KANK1: variants seen among roughly 807,000 people sequenced by gnomAD.
KANK1 encodes the protein KN motif and ankyrin repeat domains 1.
KANK1 carries 109 observed loss-of-function variants against 106.2 expected under a neutral mutation model. The ratio of observed to expected loss-of-function variants is 1.03; its 90% confidence interval spans 0.88 to 1.20. The LOEUF is 1.20. Ranked by LOEUF, KANK1 falls within the 50% of genes most tolerant of loss-of-function variation. The pLI, the probability that KANK1 is intolerant of heterozygous loss-of-function variation, is 0.00. For synonymous variants in KANK1, 873 were observed against 652.2 expected, an observed-to-expected ratio of 1.34 and a Z score of -5.16; for missense variants, 2,399 against 1,710.7, an observed-to-expected ratio of 1.40 and a Z score of -7.10.
intron 1 of KANK1, among the ~76,000 whole-genome samples, chr9:598,961 A>G (rs1827017680): frequency 1.3e-5 from 2 of 149,714 alleles, no homozygotes; most frequent in East Asian, 2.0e-4. Flanking sequence ...TTTATATGCA[A>G]TTATAAATAT....
At chr9:543,402 A>C (rs9408627) in intron 1 of KANK1, among the ~76,000 whole-genome samples, 7,076 of 150,400 alleles carry the variant, frequency 0.047, 223 homozygotes, top group South Asian at 0.085. Flanking sequence ...TTAAAACTAC[A>C]AAAAAAAATA....
intron 1 of KANK1, among the ~76,000 whole-genome samples, chr9:665,878 T>C (rs1201968050): frequency 1.3e-5 from 2 of 152,164 alleles, no homozygotes; most frequent in Non-Finnish European, 2.9e-5. Context: ...TTCACAGCTT[T>C]GGTTAAATTG....
At chr9:599,438 T>C (rs1216911266) in intron 1 of KANK1, among the ~76,000 whole-genome samples, 1 of 151,914 alleles carries the variant, frequency 6.6e-6, no homozygotes, top group Non-Finnish European at 1.5e-5. Context: ...TTGATATACA[T>C]CCTTCTACAT....
chr9:650,441 CTCT>C (rs1840631491), intron 1 of KANK1, among the ~76,000 whole-genome samples: 1 of 152,134 alleles, frequency 6.6e-6, no homozygotes, highest in Non-Finnish European at 1.5e-5. Flanking sequence ...TAATGTGAGA[CTCT>C]TGTTATGTAG....
At chr9:625,529 T>A (rs953811239) in intron 1 of KANK1, among the ~76,000 whole-genome samples, 2 of 152,166 alleles carry the variant, frequency 1.3e-5, no homozygotes, top group African/African-American at 4.8e-5. Flanking sequence ...TTCTCATAGT[T>A]ATCCGTTGTT....
chr9:546,748 T>C (rs1456580090), intron 1 of KANK1, among the ~76,000 whole-genome samples: 3 of 151,400 alleles, frequency 2.0e-5, no homozygotes, highest in Admixed American at 2.0e-4. Flanking sequence ...GTAAAACATC[T>C]GTATTTTAAT....
chr9:496,968 G>T (rs1271956845), intron 3 of KANK1, among the ~76,000 whole-genome samples: 1 of 152,132 alleles, frequency 6.6e-6, no homozygotes, highest in Non-Finnish European at 1.5e-5. Context: ...TATGAATGAA[G>T]ATTACTCTTA....
chr9:660,240 C>G lies in KANK1; in HGVS notation c.-83-16650C>G, dbSNP rs759252941. The G allele has an allele frequency of 4.0e-5, 10 of 250,690 alleles. No homozygotes were observed. The East Asian group carries it at 5.0e-4, about 12-fold the overall frequency. The allele number at this position is 250,690 out of a possible 1,614,324, so 15.5% of individuals were successfully genotyped here. On this transcript the variant is annotated intron_variant, in intron 1 of 11. Coordinates refer to ENST00000382297, the MANE Select transcript of KANK1 (RefSeq NM_015158.5). The stretch of plus-strand genomic sequence containing the variant: ...CCAGAATATGGAGGTCATTCAGCTA[C>G]AGGGTGACCAGCACAAGAACATGTG...
chr9:477,478 A>G (rs754463890), intron 3 of KANK1, among the ~76,000 whole-genome samples: 18 of 152,234 alleles, frequency 1.2e-4, no homozygotes, highest in Non-Finnish European at 2.1e-4. Context: ...ATTGGTAGAG[A>G]GAAATGACCT....
intron 1 of KANK1, among the ~76,000 whole-genome samples, chr9:643,685 T>C (rs548398688): frequency 1.3e-5 from 2 of 149,252 alleles, no homozygotes; most frequent in East Asian, 3.9e-4. Context: ...TAGCATTGAT[T>C]TGTGGGGGTT....
rs758108591 is a variant in KANK1, at chr9:742,406, G to A, written c.3897+1G>A. The A allele has an allele frequency of 8.1e-6, 13 of 1,609,194 alleles. No individual in the cohort carries two copies. The highest frequency in any genetic ancestry group is 2.2e-5 in the East Asian group (1 of 44,818). On this transcript the variant is annotated splice_donor_variant, in intron 10 of 11. Coordinates refer to ENST00000382297, the MANE Select transcript of KANK1 (RefSeq NM_015158.5). LOFTEE classifies it high-confidence loss of function. ...CTGCAACGGTCACCTAGAGGACAAC[G>A]TAAGCTGTCTCCATTGGGCCTCCTG... is the stretch of plus-strand genomic sequence containing the variant.
intron 1 of KANK1, among the ~76,000 whole-genome samples, chr9:538,593 T>G (rs547926795): frequency 2.6e-5 from 4 of 152,310 alleles, no homozygotes; most frequent in African/African-American, 7.2e-5. Flanking sequence ...CAGAGGTTCC[T>G]TCAAACAGGT....
chr9:734,108 C>CAAAAAAAAAAAAAAAAAAAAAAAAAA (rs34096121), intron 6 of KANK1: 1 of 60,408 alleles, frequency 1.7e-5, no homozygotes, highest in Non-Finnish European at 2.7e-5. Flanking sequence ...GACCTTGTCT[C>CAAAAAAAAAAAAAAAAAAAAAAAAAA]AAAAAAAAAA....
At chr9:513,083 C>G (rs2132902825) in intron 1 of KANK1, among the ~76,000 whole-genome samples, 1 of 152,328 alleles carries the variant, frequency 6.6e-6, no homozygotes, top group Non-Finnish European at 1.5e-5. Context: ...TGTTAAAACA[C>G]TCCAGCCACT....
chr9:475,322 A>T (rs980210321), intron 3 of KANK1, among the ~76,000 whole-genome samples: 1 of 152,202 alleles, frequency 6.6e-6, no homozygotes, highest in African/African-American at 2.4e-5. Context: ...GCACATATGG[A>T]CAGCCCACCC....
At chr9:621,533 A>G (rs1001349089) in intron 1 of KANK1, among the ~76,000 whole-genome samples, 10 of 152,192 alleles carry the variant, frequency 6.6e-5, no homozygotes, top group African/African-American at 2.4e-4. Context: ...GTAATTTTGT[A>G]TTGGTATATT....
Position 710,871 on chromosome 9 carries a change from C to A in KANK1, c.105C>A (p.Thr35=), listed in dbSNP as rs997588165. The change falls in exon 3 of 12, where the codon ACC becomes ACA. Residue 35 remains threonine, a synonymous_variant. Coordinates refer to ENST00000382297, the MANE Select transcript of KANK1 (RefSeq NM_015158.5). The stretch of plus-strand genomic sequence containing the variant: ...AGAAAGACCCTTACTTTGTGGAGAC[C>A]CCCTATGGTTATCAACTAGACTTAG... The part of the protein sequence containing the change: ...KEQKDPYFVE[T]PYGYQLDLDF... The A allele has an allele frequency of 1.2e-6, 2 of 1,613,706 alleles. No individual in the cohort carries two copies. The highest frequency in any genetic ancestry group is 1.3e-5 in the African/African-American group (1 of 74,878).
intron 1 of KANK1, among the ~76,000 whole-genome samples, chr9:638,838 A>G (rs1837733294): frequency 6.6e-6 from 1 of 152,188 alleles, no homozygotes; most frequent in South Asian, 2.1e-4. Flanking sequence ...CTGCCATTCA[A>G]TTTGACTGTG....
At chr9:741,362 C>A (rs925451918) in intron 9 of KANK1, among the ~76,000 whole-genome samples, 1 of 151,838 alleles carries the variant, frequency 6.6e-6, no homozygotes, top group Non-Finnish European at 1.5e-5. Flanking sequence ...CTCTGTCCCC[C>A]AGGCTGGAGT....
Sources: allele counts gnomAD v4.1 joint callset (sites outside exome capture counted in the v4.1 genomes callset), GRCh38; gene constraint gnomAD v4.1.1; transcripts MANE v1.5; gene names NCBI Gene and HGNC (gene_info 2026-07-23, HGNC 2026-07-21).